AUTS2: variants seen among roughly 807,000 people sequenced by gnomAD.
The protein encoded by AUTS2 is autism susceptibility gene 2 protein.
AUTS2 carries 17 observed loss-of-function variants against 112.4 expected under a neutral mutation model. That is an observed-to-expected ratio of 0.15 (90% confidence interval 0.10 to 0.23). The LOEUF (loss-of-function observed/expected upper bound fraction) is 0.23, where lower values mean the gene tolerates loss of function less well. Ranked by LOEUF, AUTS2 falls within the 10% of genes least tolerant of loss-of-function variation. The pLI is 1.00. For missense variants in AUTS2, 1,510 were observed against 1,701.6 expected (o/e 0.89, Z 1.98); for synonymous variants, 751 against 702.7 (o/e 1.07, Z -1.09).
chr7:69,622,010 T>G lies in AUTS2; in HGVS notation c.309+22048T>G, dbSNP rs559865741. 3.3e-5 allele frequency among the ~76,000 whole-genome samples: 5 copies of G among 152,274 alleles called. No individual in the cohort carries two copies. The East Asian group carries it at 9.6e-4, about 29-fold the overall frequency. On this transcript the variant is annotated intron_variant, in intron 1 of 18. Coordinates refer to ENST00000342771, the MANE Select transcript of AUTS2 (RefSeq NM_015570.4). ...CAAAAACCCTAAATACAAGCCTTCT[T>G]TCGCTATTGTTTGGCAAATAAGATT...
At chr7:70,348,525 C>T (rs1184552706) in intron 4 of AUTS2, among the ~76,000 whole-genome samples, 1 of 152,172 alleles carries the variant, frequency 6.6e-6, no homozygotes, top group Admixed American at 6.5e-5. Flanking sequence ...TTCCAGCTGG[C>T]TGGGCACGGT....
At chr7:70,405,591 C>G (rs1402313155) in intron 4 of AUTS2, among the ~76,000 whole-genome samples, 1 of 152,132 alleles carries the variant, frequency 6.6e-6, no homozygotes, top group Non-Finnish European at 1.5e-5. Flanking sequence ...ATTAAAAATT[C>G]ATTCAAATAC....
intron 1 of AUTS2, among the ~76,000 whole-genome samples, chr7:69,785,988 G>A (rs185383902): frequency 1.4e-3 from 218 of 152,164 alleles, no homozygotes; most frequent in African/African-American, 4.9e-3. Flanking sequence ...CCGCCACCAC[G>A]CCCAGCTAAT....
intron 2 of AUTS2, among the ~76,000 whole-genome samples, chr7:70,069,708 G>GT (rs5884773): frequency 0.34 from 46,694 of 139,226 alleles, 7,934 homozygotes; most frequent in African/African-American, 0.45. Context: ...GGTTTTTTTT[G>GT]TTTTTTTTTT....
At chr7:69,967,944 A>G (rs925619477) in intron 2 of AUTS2, among the ~76,000 whole-genome samples, 3 of 152,186 alleles carry the variant, frequency 2.0e-5, no homozygotes, top group Admixed American at 1.3e-4. Context: ...CTTTGGCTTA[A>G]TGATCCTTGG....
intron 5 of AUTS2, among the ~76,000 whole-genome samples, chr7:70,637,332 A>G (rs1189736305): frequency 6.6e-6 from 1 of 152,226 alleles, no homozygotes; most frequent in African/African-American, 2.4e-5. Context: ...TGGAATATGT[A>G]GATAGGGTTG....
intron 4 of AUTS2, among the ~76,000 whole-genome samples, chr7:70,266,475 C>T (rs1441718889): frequency 1.3e-5 from 2 of 151,912 alleles, no homozygotes; most frequent in African/African-American, 2.4e-5. Context: ...TACTGAAAAC[C>T]CTGTGAAATG....
chr7:69,907,958 T>A (rs976138102), intron 2 of AUTS2, among the ~76,000 whole-genome samples: 1 of 152,206 alleles, frequency 6.6e-6, no homozygotes, highest in Admixed American at 6.5e-5. Flanking sequence ...CTTTTGTAAA[T>A]GTTTATATGT....
chr7:69,649,279 C>T (rs148134412), intron 1 of AUTS2, among the ~76,000 whole-genome samples: 1 of 152,304 alleles, frequency 6.6e-6, no homozygotes, highest in Non-Finnish European at 1.5e-5. Context: ...AGTCTAGGTA[C>T]TTGGGGAGCA....
chr7:70,407,031 G>C (rs1202274617), intron 4 of AUTS2, among the ~76,000 whole-genome samples: 1 of 152,186 alleles, frequency 6.6e-6, no homozygotes, highest in Non-Finnish European at 1.5e-5. Flanking sequence ...CAAAAACTGA[G>C]CTGGCCAAAT....
intron 4 of AUTS2, among the ~76,000 whole-genome samples, chr7:70,336,029 A>C (rs1285793061): frequency 1.3e-5 from 2 of 152,232 alleles, no homozygotes; most frequent in Non-Finnish European, 2.9e-5. Flanking sequence ...AGAACTATAA[A>C]GTCTTAATTT....
chr7:70,206,100 A>C (rs939829733), intron 4 of AUTS2, among the ~76,000 whole-genome samples: 1 of 152,206 alleles, frequency 6.6e-6, no homozygotes, highest in Non-Finnish European at 1.5e-5. Context: ...TGGCTAATTA[A>C]GTGGCATTAG....
intron 5 of AUTS2, among the ~76,000 whole-genome samples, chr7:70,500,580 T>G (rs1237083213): frequency 6.6e-6 from 1 of 152,174 alleles, no homozygotes; most frequent in African/African-American, 2.4e-5. Flanking sequence ...TGAAGGAGCC[T>G]CTTTGGAAGC....
At chr7:70,427,404 A>G (rs1585131907) in intron 4 of AUTS2, among the ~76,000 whole-genome samples, 1 of 152,184 alleles carries the variant, frequency 6.6e-6, no homozygotes, top group Non-Finnish European at 1.5e-5. Flanking sequence ...GGGTTTATGT[A>G]TATTTATACT....
chr7:70,209,645 G>A (rs1030225155), intron 4 of AUTS2, among the ~76,000 whole-genome samples: 2 of 152,172 alleles, frequency 1.3e-5, no homozygotes, highest in African/African-American at 4.8e-5. Flanking sequence ...ATGGATCATG[G>A]CAAAAGAGAA....
chr7:69,654,364 G>A (rs909196874), intron 1 of AUTS2, among the ~76,000 whole-genome samples: 3 of 152,142 alleles, frequency 2.0e-5, no homozygotes, highest in Non-Finnish European at 4.4e-5. Context: ...GAGAGCACAG[G>A]CCCTTTCATA....
At chr7:70,404,909 C>T (rs575771355) in intron 4 of AUTS2, among the ~76,000 whole-genome samples, 1 of 151,682 alleles carries the variant, frequency 6.6e-6, no homozygotes, top group Non-Finnish European at 1.5e-5. Flanking sequence ...GCATTGGCAT[C>T]GTTAGAAACC....
intron 2 of AUTS2, among the ~76,000 whole-genome samples, chr7:70,036,587 C>T (rs1252321050): frequency 6.6e-6 from 1 of 152,216 alleles, no homozygotes; most frequent in African/African-American, 2.4e-5. Context: ...TGCATTTGCT[C>T]ACCTCTTCTT....
chr7:70,506,663 C>T (rs1183800633), intron 5 of AUTS2, among the ~76,000 whole-genome samples: 1 of 152,250 alleles, frequency 6.6e-6, no homozygotes, highest in East Asian at 1.9e-4. Context: ...GATACACCAT[C>T]TATCTCTGGA....
Sources: gnomAD v4.1 joint callset for allele counts (sites outside exome capture counted in the v4.1 genomes callset) on GRCh38, gnomAD v4.1.1 for gene constraint, MANE v1.5 for transcripts, NCBI Gene and HGNC (gene_info 2026-07-23, HGNC 2026-07-21) for gene names.